DOCK4: variants seen among roughly 807,000 people sequenced by gnomAD.
The protein encoded by DOCK4 is dedicator of cytokinesis protein 4.
DOCK4 carries 97 observed loss-of-function variants against 268.1 expected under a neutral mutation model. That is an observed-to-expected ratio of 0.36 (90% CI 0.31 to 0.43). The LOEUF (loss-of-function observed/expected upper bound fraction) is 0.43. Ranked by LOEUF, DOCK4 falls within the 20% of genes least tolerant of loss-of-function variation. DOCK4 has a pLI of 1.00. For missense variants in DOCK4, 2,145 were observed against 2,455.7 expected (o/e 0.87, Z 2.67); for synonymous variants, 954 against 887.2 (o/e 1.08, Z -1.34).
At position 112,023,531 on chromosome 7, in the gene DOCK4, T is replaced by C. The variant is rs112054089; in HGVS notation, c.38-19400A>G. The C allele has an allele frequency of 1.6e-3, 631 of 389,524 alleles. 9 individuals carry two copies. The highest frequency in any genetic ancestry group is 0.012 in the African/African-American group (570 of 47,606). The allele number at this position is 389,524 out of a possible 1,614,324, so 24.1% of individuals were successfully genotyped here. A position where few individuals can be genotyped will look rare whatever the true frequency, so the allele number is the denominator to read the frequency against. The stretch of plus-strand genomic sequence containing the variant: ...AAAGCTCAGGAAGAAAGCACAACAT[T>C]AGATGACATCATGCCTTCCGGATCA... On this transcript the variant is annotated intron_variant, in intron 1 of 52. Transcript: ENST00000428084.
At chr7:111,780,482 TAAG>T (rs1462042342) in intron 35 of DOCK4, among the ~76,000 whole-genome samples, 1 of 152,162 alleles carries the variant, frequency 6.6e-6, no homozygotes, top group Non-Finnish European at 1.5e-5. Flanking sequence ...AGCTTTCTGG[TAAG>T]AAGCAGCTTT....
intron 2 of DOCK4, among the ~76,000 whole-genome samples, chr7:112,003,137 C>G (rs1800573247): frequency 6.6e-6 from 1 of 151,838 alleles, no homozygotes; most frequent in Non-Finnish European, 1.5e-5. Context: ...TCTGAGCACT[C>G]TGGAAGGTCA....
chr7:111,960,772 C>A (rs1796813699), intron 8 of DOCK4, among the ~76,000 whole-genome samples: 1 of 152,110 alleles, frequency 6.6e-6, no homozygotes, highest in Non-Finnish European at 1.5e-5. Context: ...GCAGTGAGAT[C>A]ATGCACTCTT....
intron 8 of DOCK4, among the ~76,000 whole-genome samples, chr7:111,976,203 CAT>C (rs1223014533): frequency 4.1e-5 from 3 of 73,154 alleles, no homozygotes; most frequent in Admixed American, 1.3e-4. Context: ...CACACACGCA[CAT>C]ATGTGTGTGT....
At chr7:111,732,130 T>C in intron 52 of DOCK4, 96 bp downstream of exon 52, 2 of 1,275,560 alleles carry the variant, frequency 1.6e-6, no homozygotes, top group East Asian at 4.9e-5. Flanking sequence ...GCCTGGTCCC[T>C]GCAAATTAAA....
At chr7:112,169,457 C>T (rs11764180) in intron 1 of DOCK4, among the ~76,000 whole-genome samples, 15,420 of 152,112 alleles carry the variant, frequency 0.1, 946 homozygotes, top group East Asian at 0.15. Flanking sequence ...ATTTAATTAT[C>T]TGAGGGATAA....
intron 1 of DOCK4, among the ~76,000 whole-genome samples, chr7:112,066,668 T>TATACGTGTATATATACAC (rs1373568289): frequency 6.9e-4 from 24 of 34,570 alleles, no homozygotes; most frequent in African/African-American, 3.5e-3. Flanking sequence ...ATTATACATA[T>TATACGTGTATATATACAC]ACATATACAT....
chr7:111,791,070 T>TATATATATA (rs1554593887), intron 30 of DOCK4, among the ~76,000 whole-genome samples: 32 of 95,422 alleles, frequency 3.4e-4, no homozygotes, highest in African/African-American at 1.7e-3. Flanking sequence ...AAAAAAAAAA[T>TATATATATA]TATATATATA....
chr7:112,203,566 T>C (rs1333341026), intron 1 of DOCK4, among the ~76,000 whole-genome samples: 1 of 152,148 alleles, frequency 6.6e-6, no homozygotes, highest in Non-Finnish European at 1.5e-5. Context: ...ATATAATTTA[T>C]ACTAAAACGT....
chr7:111,867,500 A>G (rs1401812677), intron 22 of DOCK4, among the ~76,000 whole-genome samples: 1 of 152,222 alleles, frequency 6.6e-6, no homozygotes, highest in Non-Finnish European at 1.5e-5. Flanking sequence ...TGGCGGCAGC[A>G]GCAGCTCTGC....
At position 111,739,153 on chromosome 7, in the gene DOCK4, G is replaced by T; in HGVS notation, c.5213C>A (p.Thr1738Lys). ...RERPCSAIYPTPVEPSQRMLF... is the reference protein window; with the variant it reads ...RERPCSAIYPKPVEPSQRMLF... ...GAGTACCTGCGAAGGCTCCACAGGT[G>T]TTGGATAGATGGCACTGCATGGTCT... Residue 1738 changes from threonine to lysine, a missense_variant, in exon 49 of 53, where the codon ACA becomes AAA. Transcript: ENST00000428084. 1 of 1,613,872 alleles carries T rather than the reference G, an allele frequency of 6.2e-7. No homozygotes were observed. Among genetic ancestry groups the T allele is most frequent in the Non-Finnish European group, 8.5e-7 (1 of 1,179,756 alleles).
At chr7:112,193,272 C>G (rs2116814106) in intron 1 of DOCK4, among the ~76,000 whole-genome samples, 1 of 152,164 alleles carries the variant, frequency 6.6e-6, no homozygotes, top group East Asian at 1.9e-4. Flanking sequence ...AAACAGATAC[C>G]TGGAGTTACT....
chr7:111,995,573 G>A (rs745461861), intron 4 of DOCK4, among the ~76,000 whole-genome samples: 20 of 151,924 alleles, frequency 1.3e-4, no homozygotes, highest in Non-Finnish European at 1.5e-4. Flanking sequence ...TCAAGAAAAC[G>A]TCTAATACAT....
chr7:112,042,866 T>G (rs1804512807), intron 1 of DOCK4, among the ~76,000 whole-genome samples: 1 of 152,170 alleles, frequency 6.6e-6, no homozygotes, highest in South Asian at 2.1e-4. Context: ...CATGAGAGTG[T>G]GTTAATCTCA....
intron 12 of DOCK4, among the ~76,000 whole-genome samples, chr7:111,932,583 T>C (rs1794289614): frequency 6.6e-6 from 1 of 152,024 alleles, no homozygotes; most frequent in South Asian, 2.1e-4. Context: ...ATGAATGAAA[T>C]TTAAATTTCC....
chr7:111,894,757 G>A (rs1166090105), intron 16 of DOCK4, among the ~76,000 whole-genome samples: 2 of 152,180 alleles, frequency 1.3e-5, no homozygotes, highest in African/African-American at 4.8e-5. Flanking sequence ...CAGTAGGGAG[G>A]TAGAAGGCTG....
intron 44 of DOCK4, among the ~76,000 whole-genome samples, chr7:111,744,536 G>A (rs1446751375): frequency 1.3e-5 from 2 of 152,132 alleles, no homozygotes; most frequent in African/African-American, 4.8e-5. Context: ...AGAAATAAAG[G>A]TTCCCTGGTT....
intron 8 of DOCK4, 92 bp from the exon 9 acceptor site, chr7:111,945,890 T>C (rs1795581803): frequency 1.1e-6 from 1 of 929,182 alleles, no homozygotes; most frequent in Admixed American, 2.3e-5. Context: ...ACAGGTAAGC[T>C]AAATATTAGG....
intron 1 of DOCK4, among the ~76,000 whole-genome samples, chr7:112,160,997 G>T (rs1260181143): frequency 1.3e-5 from 2 of 152,104 alleles, no homozygotes; most frequent in African/African-American, 2.4e-5. Flanking sequence ...ATATTTGCAG[G>T]GGGACAGAAA....
Sources: gnomAD v4.1 joint callset for allele counts (sites outside exome capture counted in the v4.1 genomes callset) on GRCh38, gnomAD v4.1.1 for gene constraint, MANE v1.5 for transcripts, NCBI Gene and HGNC (gene_info 2026-07-23, HGNC 2026-07-21) for gene names.